The following SLMAP variants were observed in gnomAD, a reference collection of about 807,000 sequenced individuals.
SLMAP encodes sarcolemmal membrane-associated protein.
A neutral mutation model predicts 128.8 loss-of-function variants in SLMAP; 44 were observed. That is an observed-to-expected ratio of 0.34 (90% CI 0.27 to 0.44). SLMAP has a LOEUF of 0.44. Ranked by LOEUF, SLMAP falls within the 20% of genes least tolerant of loss-of-function variation. SLMAP has a pLI of 1.00. For missense variants in SLMAP, 787 were observed against 985.3 expected (o/e 0.80, Z 2.69); for synonymous variants, 327 against 348.8 (o/e 0.94, Z 0.70).
At chr3:57,802,539 C>T (rs962833448) in intron 2 of SLMAP, among the ~76,000 whole-genome samples, 2 of 152,136 alleles carry the variant, frequency 1.3e-5, no homozygotes, top group Non-Finnish European at 2.9e-5. Flanking sequence ...GCCTTGGCCT[C>T]CCAGTCTTGA....
Position 57,843,305 on chromosome 3 carries a change from C to CTTTTTTTTTTTTTT in SLMAP, c.419+1945_419+1958dup. Among the ~76,000 whole-genome samples the CTTTTTTTTTTTTTT allele has an allele frequency of 7.5e-4, 69 of 92,120 alleles. 2 individuals are homozygous for CTTTTTTTTTTTTTT. Among genetic ancestry groups the CTTTTTTTTTTTTTT allele is most frequent in the East Asian group, 1.2e-3 (4 of 3,380 alleles). The allele number at this position is 92,120 out of a possible 152,430, so 60.4% of individuals were successfully genotyped here. A position where few individuals can be genotyped will look rare whatever the true frequency, so the allele number is the denominator to read the frequency against. On this transcript the variant is annotated intron_variant, in intron 4 of 24. Transcript: ENST00000671191. ...TTTTCTTTTTTCTTTCTTTCTTTTCCTTTTTTTTTTTTTTTTTTTTTTTTC... is the reference window on the plus strand; with the variant it reads ...TTTTCTTTTTTCTTTCTTTCTTTTCCTTTTTTTTTTTTTTTTTTTTTTTTTTTTTTTTTTTTTTC...
intron 2 of SLMAP, among the ~76,000 whole-genome samples, chr3:57,819,262 A>T (rs905932606): frequency 2.6e-5 from 4 of 152,248 alleles, no homozygotes; most frequent in Admixed American, 2.6e-4. Flanking sequence ...ACGAAGAAAT[A>T]TGAGTAAAGA....
intron 8 of SLMAP, 75 bp downstream of exon 8, chr3:57,858,234 T>G: frequency 1.2e-6 from 1 of 865,098 alleles, no homozygotes; most frequent in Non-Finnish European, 2.0e-6. Context: ...ACTATCATTT[T>G]GAGTATATGC....
intron 13 of SLMAP, among the ~76,000 whole-genome samples, chr3:57,869,630 T>TTATATATATATATAATA (rs2095421782): frequency 1.3e-5 from 1 of 75,474 alleles, no homozygotes; most frequent in African/African-American, 5.0e-5. Flanking sequence ...CCCATCTCTA[T>TTATATATATATATAATA]TATATATATA....
At chr3:57,819,448 T>C (rs1195227686) in intron 2 of SLMAP, among the ~76,000 whole-genome samples, 1 of 152,222 alleles carries the variant, frequency 6.6e-6, no homozygotes, top group Non-Finnish European at 1.5e-5. Context: ...CTGAATTTGT[T>C]TGCCAAATAA....
intron 21 of SLMAP, 51 bp from the exon 22 acceptor site, chr3:57,916,855 T>A: frequency 6.8e-7 from 1 of 1,473,054 alleles, no homozygotes; most frequent in Non-Finnish European, 9.4e-7. Context: ...GACTTCCTTC[T>A]GTGTCCAGTT....
rs1031064499 is a variant in SLMAP, at chr3:57,916,985, G to C, written c.2218G>C (p.Gly740Arg). 2 of 1,613,732 alleles carry C rather than the reference G, an allele frequency of 1.2e-6. No individual in the cohort carries two copies. Among genetic ancestry groups the C allele is most frequent in the South Asian group, 2.2e-5 (2 of 91,076 alleles). ...TAGGAAAGAACTTGAGAATCAAGTG[G>C]GATCCTTGAAAGAACAGCATCTTCG... The part of the protein sequence containing the change: ...MSRKELENQV[G>R]SLKEQHLRDS... Residue 740 changes from glycine (G) to arginine (R), a missense_variant, in exon 22 of 25, where the codon GGA (glycine) becomes CGA (arginine). Around this residue, in one of 2 missense-constraint regions of SLMAP, gnomAD observed 715 missense variants for 843.6 expected, o/e 0.85. Transcript: ENST00000671191.
chr3:57,889,385 A>G (rs2095999258), intron 14 of SLMAP, among the ~76,000 whole-genome samples: 1 of 152,224 alleles, frequency 6.6e-6, no homozygotes, highest in Non-Finnish European at 1.5e-5. Context: ...TTTTCTTCAC[A>G]TATATTACAA....
chr3:57,827,915 C>T (rs937536527), intron 2 of SLMAP, among the ~76,000 whole-genome samples: 2 of 152,180 alleles, frequency 1.3e-5, no homozygotes, highest in Non-Finnish European at 2.9e-5. Flanking sequence ...GGACTATAAG[C>T]ATACTCCCTT....
At chr3:57,804,604 G>C (rs2089396833) in intron 2 of SLMAP, among the ~76,000 whole-genome samples, 1 of 152,086 alleles carries the variant, frequency 6.6e-6, no homozygotes, top group Non-Finnish European at 1.5e-5. Context: ...GATTAGCTGA[G>C]TGTAGTGTTG....
At chr3:57,924,731 G>A (rs564042275) in intron 23 of SLMAP, among the ~76,000 whole-genome samples, 1 of 151,858 alleles carries the variant, frequency 6.6e-6, no homozygotes, top group Non-Finnish European at 1.5e-5. Flanking sequence ...TAGGAAGCAC[G>A]CATTATCACA....
rs1172894596 is a variant in SLMAP, at chr3:57,865,354, G to A, written c.1237+62G>A. ...TGATATCATTTTAGTATTTAAGCAG[G>A]ATAAGGAGTTCAGGGTTTTAAGTGT... On this transcript the variant is annotated intron_variant, in intron 13 of 24. Coordinates refer to ENST00000671191, the MANE Select transcript of SLMAP (RefSeq NM_001377540.1). The A allele has an allele frequency of 8.5e-6, 6 of 703,864 alleles. No homozygotes were observed. The African/African-American group carries it at 9.0e-5, about 11-fold the overall frequency. 43.6% of individuals were successfully genotyped at this position (703,864 alleles called of 1,614,324 possible). A position where few individuals can be genotyped will look rare whatever the true frequency, so the allele number is the denominator to read the frequency against.
chr3:57,925,353 C>T (rs1290469409), intron 23 of SLMAP, among the ~76,000 whole-genome samples: 3 of 142,306 alleles, frequency 2.1e-5, no homozygotes, highest in Non-Finnish European at 3.1e-5. Context: ...TTTTTTTCAA[C>T]GGAGTCTCTC....
At chr3:57,848,010 A>G (rs1231387111) in intron 5 of SLMAP, among the ~76,000 whole-genome samples, 1 of 152,212 alleles carries the variant, frequency 6.6e-6, no homozygotes, top group African/African-American at 2.4e-5. Flanking sequence ...AACTAAATTT[A>G]AAAAATAATG....
intron 17 of SLMAP, among the ~76,000 whole-genome samples, chr3:57,905,445 T>G (rs2096507432): frequency 6.6e-6 from 1 of 151,716 alleles, no homozygotes; most frequent in Non-Finnish European, 1.5e-5. Context: ...CCAAACCCAG[T>G]TAATTTTCGT....
chr3:57,887,089 G>C (rs1208070020), intron 14 of SLMAP, among the ~76,000 whole-genome samples: 1 of 151,480 alleles, frequency 6.6e-6, no homozygotes, highest in African/African-American at 2.4e-5. Context: ...AAAAAAAAGA[G>C]AAAAAAGAGA....
intron 2 of SLMAP, among the ~76,000 whole-genome samples, chr3:57,783,926 G>A (rs2083553373): frequency 6.6e-6 from 1 of 152,150 alleles, no homozygotes. Context: ...TGCCCTAGCT[G>A]TGGCTCAAGT....
At chr3:57,765,283 C>T (rs1308214011) in intron 2 of SLMAP, among the ~76,000 whole-genome samples, 1 of 152,060 alleles carries the variant, frequency 6.6e-6, no homozygotes, top group African/African-American at 2.4e-5. Flanking sequence ...AGGTCTGTAG[C>T]CCCACCTATT....
intron 2 of SLMAP, among the ~76,000 whole-genome samples, chr3:57,796,993 AT>A (rs1320315497): frequency 6.6e-6 from 1 of 151,762 alleles, no homozygotes; most frequent in African/African-American, 2.4e-5. Context: ...AGCTTGGGCA[AT>A]GTAGTAGGAC....
Sources: gnomAD v4.1 joint callset for allele counts (sites outside exome capture counted in the v4.1 genomes callset) on GRCh38, gnomAD v4.1.1 for gene constraint, gnomAD v4.1.1 regional missense constraint, MANE v1.5 for transcripts, NCBI Gene and HGNC (gene_info 2026-07-23, HGNC 2026-07-21) for gene names.